The following SCN8A variants were observed in gnomAD, a reference collection of about 807,000 sequenced individuals.
SCN8A encodes sodium voltage-gated channel alpha subunit 8.
SCN8A carries 30 observed loss-of-function variants against 184.1 expected under a neutral mutation model. The observed-to-expected ratio is 0.16, with a 90% CI of 0.12 to 0.22. The LOEUF (loss-of-function observed/expected upper bound fraction) is 0.22. Ranked by LOEUF, SCN8A falls within the 10% of genes least tolerant of loss-of-function variation. The pLI is 1.00. For missense variants in SCN8A, 1,057 were observed against 2,498.9 expected, an observed-to-expected ratio of 0.42 and a Z score of 12.30; for synonymous variants, 852 against 907.0, an observed-to-expected ratio of 0.94 and a Z score of 1.09.
intron 2 of SCN8A, among the ~76,000 whole-genome samples, chr12:51,677,540 T>G (rs1337168530): frequency 1.3e-5 from 2 of 152,180 alleles, no homozygotes; most frequent in Admixed American, 1.3e-4. Context: ...AGGATTTGTT[T>G]GGTATGCATA....
intron 18 of SCN8A, 110 bp downstream of exon 18, chr12:51,770,095 A>G (rs1360488193): frequency 1.1e-5 from 8 of 718,250 alleles, no homozygotes; most frequent in African/African-American, 1.8e-5. Context: ...ATCTTCAAGA[A>G]CTTTGCTCCC....
At chr12:51,763,988 T>C (rs1291474285) in intron 15 of SCN8A, among the ~76,000 whole-genome samples, 1 of 152,250 alleles carries the variant, frequency 6.6e-6, no homozygotes, top group East Asian at 1.9e-4. Flanking sequence ...TGTTTACTAC[T>C]CTTTGGTTAG....
rs575889202 is a variant in SCN8A at position 51,657,368 on chromosome 12, G to A, written c.-54-5396G>A. Among the ~76,000 whole-genome samples, 41 of 152,004 alleles carry A rather than the reference G, an allele frequency of 2.7e-4. 1 individual carries two copies. The highest frequency in any genetic ancestry group is 7.7e-4 in the East Asian group (4 of 5,176). ...ACTTTTCAAAATCCACTTTTCTAGC[G>A]TTTCCCTGATGATAAGTGATGAGCA... On this transcript the variant is annotated intron_variant, in intron 1 of 26. Coordinates refer to ENST00000627620, the MANE Select transcript of SCN8A (RefSeq NM_001330260.2).
intron 26 of SCN8A, among the ~76,000 whole-genome samples, chr12:51,796,825 T>C (rs1029227908): frequency 6.6e-6 from 1 of 152,322 alleles, no homozygotes; most frequent in Non-Finnish European, 1.5e-5. Context: ...CAGAGTCTTA[T>C]GTTCGAGGGC....
At chr12:51,748,729 G>A (rs1027580046) in intron 13 of SCN8A, among the ~76,000 whole-genome samples, 1 of 152,188 alleles carries the variant, frequency 6.6e-6, no homozygotes, top group Non-Finnish European at 1.5e-5. Context: ...TAACTGACCA[G>A]CATCAAGTGT....
At chr12:51,641,585 GTTA>G (rs772048166) in intron 1 of SCN8A, among the ~76,000 whole-genome samples, 6 of 152,184 alleles carry the variant, frequency 3.9e-5, no homozygotes, top group Non-Finnish European at 8.8e-5. Flanking sequence ...TTGTGAAAGC[GTTA>G]TTAACAAAAT....
chr12:51,718,186 C>G (rs1467362243), intron 11 of SCN8A, among the ~76,000 whole-genome samples: 1 of 152,144 alleles, frequency 6.6e-6, no homozygotes, highest in East Asian at 1.9e-4. Flanking sequence ...GTGTTAACAT[C>G]AAAAGTATTA....
In SCN8A at chr12:51,806,186, T is replaced by A. The variant is rs1938697472; in HGVS notation, c.4796-96T>A. The A allele has an allele frequency of 4.1e-6, 5 of 1,217,246 alleles. No homozygotes were observed. Among genetic ancestry groups the A allele is most frequent in the South Asian group, 1.8e-5 (1 of 55,494 alleles). The allele number at this position is 1,217,246 out of a possible 1,614,324, so 75.4% of individuals were successfully genotyped here. On this transcript the variant is annotated intron_variant, in intron 26 of 26. Transcript: ENST00000627620. The surrounding 1 kb of genome is among the most constrained non-coding windows in gnomAD (Gnocchi z 8.7). The stretch of plus-strand genomic sequence containing the variant: ...GTAAGGCACTTATTCTGCAAAGCCC[T>A]TTGAACCTAAGGGTTCCACAATGCC...
intron 1 of SCN8A, among the ~76,000 whole-genome samples, chr12:51,601,972 T>C (rs1345821274): frequency 6.6e-6 from 1 of 152,080 alleles, no homozygotes; most frequent in African/African-American, 2.4e-5. Flanking sequence ...TATGTTTTTT[T>C]TCTAGCCAGG....
intron 23 of SCN8A, among the ~76,000 whole-genome samples, 152 bp from the exon 24 acceptor site, chr12:51,789,129 G>A (rs1212691688): frequency 3.3e-5 from 5 of 152,184 alleles, no homozygotes; most frequent in Admixed American, 2.6e-4. Flanking sequence ...GGCCATGCCA[G>A]TGTAGAGAAG....
In SCN8A at chr12:51,789,281, C is replaced by A; in HGVS notation, c.4282C>A (p.Pro1428Thr). The A allele has an allele frequency of 3.1e-6, 5 of 1,613,760 alleles. No individual in the cohort carries two copies. The highest frequency in any genetic ancestry group is 4.2e-6 in the Non-Finnish European group (5 of 1,179,780). Reference protein sequence around the residue: ...IMYAAVDSRKPDEQPKYEDNI... With the variant: ...IMYAAVDSRKTDEQPKYEDNI... Reference sequence around the variant, plus strand: ...TTCCTTTTATCCTGTCCTTTGACAGCCTGATGAGCAGCCTAAGTATGAGGA... The same window carrying A: ...TTCCTTTTATCCTGTCCTTTGACAGACTGATGAGCAGCCTAAGTATGAGGA... The change falls in exon 24 of 27, where the codon CCT (proline) becomes ACT (threonine). Residue 1428 changes from proline (P) to threonine (T), a missense_variant and splice_region_variant. Around this residue, in one of 19 missense-constraint regions of SCN8A, gnomAD observed 37 missense variants for 216.1 expected, o/e 0.17. Coordinates refer to ENST00000627620, the MANE Select transcript of SCN8A (RefSeq NM_001330260.2).
At chr12:51,661,050 T>G (rs868828344) in intron 1 of SCN8A, among the ~76,000 whole-genome samples, 1 of 152,102 alleles carries the variant, frequency 6.6e-6, no homozygotes, top group Non-Finnish European at 1.5e-5. Flanking sequence ...TAGTGGGACA[T>G]AGCAAAGGAG....
intron 12 of SCN8A, among the ~76,000 whole-genome samples, chr12:51,741,269 T>C (rs960533895): frequency 6.6e-6 from 1 of 152,228 alleles, no homozygotes; most frequent in African/African-American, 2.4e-5. Context: ...CTAATGTAAG[T>C]ATAGCTACTA....
intron 1 of SCN8A, among the ~76,000 whole-genome samples, chr12:51,613,830 G>A (rs555357081): frequency 1.3e-5 from 2 of 152,096 alleles, no homozygotes; most frequent in Non-Finnish European, 2.9e-5. Context: ...TTATTTAGAA[G>A]TATGTTGTTT....
intron 1 of SCN8A, among the ~76,000 whole-genome samples, chr12:51,617,645 G>T (rs1052928146): frequency 1.3e-5 from 2 of 151,994 alleles, no homozygotes; most frequent in Non-Finnish European, 2.9e-5. Context: ...AAGTTTTTTT[G>T]TATGTTAGTT....
At chr12:51,689,135 T>C in intron 6 of SCN8A, 39 bp downstream of exon 6, 1 of 1,384,158 alleles carries the variant, frequency 7.2e-7, no homozygotes, top group South Asian at 1.2e-5. Flanking sequence ...TTGCCACATC[T>C]CCTCTTTCTC....
chr12:51,686,997 T>C (rs771608289), intron 4 of SCN8A, 94 bp from the exon 5 acceptor site: 49 of 1,322,806 alleles, frequency 3.7e-5, no homozygotes, highest in Non-Finnish European at 5.1e-5. Context: ...TTGTCTCTCT[T>C]AGTTGAAGCA....
At chr12:51,729,910 CTAAT>C (rs1337038296) in intron 12 of SCN8A, among the ~76,000 whole-genome samples, 3 of 152,054 alleles carry the variant, frequency 2.0e-5, no homozygotes, top group Non-Finnish European at 2.9e-5. Flanking sequence ...TTCCTGATGA[CTAAT>C]TATCTTTTCC....
At chr12:51,736,437 A>G (rs189603652) in intron 12 of SCN8A, among the ~76,000 whole-genome samples, 2 of 152,376 alleles carry the variant, frequency 1.3e-5, no homozygotes, top group African/African-American at 4.8e-5. Context: ...CTCGAGGGTT[A>G]ACTCCTCCTG....
Sources: allele counts gnomAD v4.1 joint callset (sites outside exome capture counted in the v4.1 genomes callset), GRCh38; gene constraint gnomAD v4.1.1; regional missense constraint gnomAD v4.1.1; non-coding constraint Gnocchi (gnomAD v3.1); transcripts MANE v1.5; gene names NCBI Gene and HGNC (gene_info 2026-07-23, HGNC 2026-07-21).